The following RHOA variants were observed in gnomAD, a reference collection of about 807,000 sequenced individuals.
The protein encoded by RHOA is transforming protein RhoA.
A neutral mutation model predicts 17.5 loss-of-function variants in RHOA; 3 were observed. The ratio of observed to expected loss-of-function variants is 0.17; its 90% confidence interval spans 0.08 to 0.44. The LOEUF (loss-of-function observed/expected upper bound fraction) is 0.44, where lower values mean the gene tolerates loss of function less well. RHOA is among the 20% of genes least tolerant of loss of function. The probability of loss-of-function intolerance (pLI) is 0.99; values close to 1 mark genes in which losing one functional copy is unlikely to be tolerated. For missense variants in RHOA, 56 were observed against 242.3 expected (o/e 0.23, Z 5.10); for synonymous variants, 98 against 88.4 (o/e 1.11, Z -0.61).
chr3:49,409,965 C>G (rs915674932), intron 1 of RHOA, among the ~76,000 whole-genome samples: 3 of 152,174 alleles, frequency 2.0e-5, no homozygotes, highest in South Asian at 4.1e-4. Context: ...AAAAAAAATC[C>G]AAACAAAGCC....
intron 3 of RHOA, chr3:49,367,088 A>C (rs1417094999): frequency 2.6e-5 from 4 of 152,156 alleles, no homozygotes; most frequent in Non-Finnish European, 5.9e-5. Flanking sequence ...CACGCCTGTA[A>C]TCCCAGCACT....
Position 49,359,553 on chromosome 3 carries a change from ACTTT to A in RHOA, c.*652_*655del, listed in dbSNP as rs966599590. 50 of 203,812 alleles carry A rather than the reference ACTTT, an allele frequency of 2.5e-4. 1 individual carries two copies. In the Middle Eastern group the frequency reaches 5.0e-3, roughly 20 times the overall value. The allele number at this position is 203,812 out of a possible 1,614,324, so 12.6% of individuals were successfully genotyped here. A position where few individuals can be genotyped will look rare whatever the true frequency, so the allele number is the denominator to read the frequency against. ...ACTTTCTTTTTTAAAAAACCAATAC[ACTTT>A]CTTTGAGGATGACAGTATTAGGAAA... On this transcript the variant is annotated 3_prime_UTR_variant, in exon 5 of 5. Transcript: ENST00000418115.
intron 1 of RHOA, among the ~76,000 whole-genome samples, chr3:49,409,137 G>C (rs1410255530): frequency 2.6e-5 from 4 of 151,050 alleles, no homozygotes; most frequent in Admixed American, 2.6e-4. Context: ...GCTCACCCTT[G>C]TAATCCCAGC....
At chr3:49,397,402 G>A (rs990608149) in intron 1 of RHOA, among the ~76,000 whole-genome samples, 3 of 152,018 alleles carry the variant, frequency 2.0e-5, no homozygotes, top group African/African-American at 4.8e-5. Context: ...AGTGATACAC[G>A]TAAAACTCTG....
At chr3:49,366,526 C>T (rs1158906078) in intron 3 of RHOA, 2 of 152,264 alleles carry the variant, frequency 1.3e-5, no homozygotes, top group African/African-American at 2.4e-5. Flanking sequence ...TTGCTTGAAC[C>T]TGGAAGGCGG....
chr3:49,395,788 G>C (rs1211425425), intron 1 of RHOA, among the ~76,000 whole-genome samples: 2 of 152,086 alleles, frequency 1.3e-5, no homozygotes, highest in African/African-American at 2.4e-5. Context: ...GGATAGGGAT[G>C]AGAAAACTAT....
chr3:49,392,491 C>G (rs541026879), intron 1 of RHOA, among the ~76,000 whole-genome samples: 1 of 152,046 alleles, frequency 6.6e-6, no homozygotes, highest in African/African-American at 2.4e-5. Flanking sequence ...AATATTCTTC[C>G]TTTTTATCAA....
intron 4 of RHOA, chr3:49,360,917 C>A: frequency 2.7e-6 from 1 of 365,780 alleles, no homozygotes; most frequent in South Asian, 1.9e-5. Context: ...TACTAAAATA[C>A]AAAAAATCAC....
intron 1 of RHOA, among the ~76,000 whole-genome samples, chr3:49,378,240 C>CTTTT (rs71077802): frequency 2.3e-3 from 139 of 60,698 alleles, no homozygotes; most frequent in South Asian, 3.6e-3. Flanking sequence ...ATCCATCTAT[C>CTTTT]TTTTTTTTTT....
At chr3:49,366,369 A>G (rs2048056604) in intron 3 of RHOA, among the ~76,000 whole-genome samples, 1 of 152,156 alleles carries the variant, frequency 6.6e-6, no homozygotes, top group African/African-American at 2.4e-5. Flanking sequence ...TTGGGAGGCC[A>G]AGGTGAGTGG....
Position 49,369,577 on chromosome 3 carries a change from CG to C in RHOA, c.157-1030del, listed in dbSNP as rs1198755285. On this transcript the variant is annotated intron_variant, in intron 2 of 4. Transcript: ENST00000418115. ...GTGAAACCCCGTCCCTACTAAAATA[CG>C]AAAGAAATTAGCCAGGCACGGCAGC... 5.3e-5 allele frequency among the ~76,000 whole-genome samples: 8 copies of C among 149,590 alleles called. No individual in the cohort carries two copies. The East Asian group carries it at 1.6e-3, about 30-fold the overall frequency.
chr3:49,406,437 T>G (rs2048833819), intron 1 of RHOA, among the ~76,000 whole-genome samples: 1 of 152,178 alleles, frequency 6.6e-6, no homozygotes, highest in Non-Finnish European at 1.5e-5. Flanking sequence ...CTTTTTTAAA[T>G]CATGGGACTG....
At chr3:49,375,772 T>C (rs1404841601) in intron 1 of RHOA, among the ~76,000 whole-genome samples, 181 bp from the exon 2 acceptor site, 1 of 152,116 alleles carries the variant, frequency 6.6e-6, no homozygotes, top group Non-Finnish European at 1.5e-5. Context: ...GTAACTAACA[T>C]TATACTTAAT....
intron 1 of RHOA, among the ~76,000 whole-genome samples, chr3:49,398,549 C>A (rs566277796): frequency 7.3e-5 from 11 of 151,692 alleles, no homozygotes; most frequent in Non-Finnish European, 1.3e-4. Context: ...GCTGGCAGGG[C>A]GCGGTGGCTC....
At chr3:49,362,386 GAGCCTCTA>G in intron 4 of RHOA, 102 bp downstream of exon 4, 1 of 1,208,840 alleles carries the variant, frequency 8.3e-7, no homozygotes, top group East Asian at 2.5e-5. Context: ...AGGGGCTTCT[GAGCCTCTA>G]AAACAACCTG....
intron 1 of RHOA, among the ~76,000 whole-genome samples, chr3:49,394,799 G>C (rs2048584975): frequency 2.0e-5 from 3 of 152,200 alleles, no homozygotes; most frequent in Non-Finnish European, 4.4e-5. Context: ...GAAAAGGCAA[G>C]TGATTCTGCC....
chr3:49,398,666 G>GA (rs760023392), intron 1 of RHOA, among the ~76,000 whole-genome samples: 67 of 137,894 alleles, frequency 4.9e-4, no homozygotes, highest in East Asian at 3.0e-3. Flanking sequence ...TCTACTAAAA[G>GA]AAAAAAAAAA....
Position 49,359,951 on chromosome 3 carries a change from C to A in RHOA, c.*258G>T. On this transcript the variant is annotated 3_prime_UTR_variant, in exon 5 of 5. Coordinates refer to ENST00000418115, the MANE Select transcript of RHOA (RefSeq NM_001664.4). ...AAAGAAGCAAGAAGTTAAGAAATTCCTTGAATTAGCGCCTGGTGTGTCAGG... is the reference window on the plus strand; with the variant it reads ...AAAGAAGCAAGAAGTTAAGAAATTCATTGAATTAGCGCCTGGTGTGTCAGG... 2.5e-6 allele frequency: 1 copy of A among 394,644 alleles called. No individual in the cohort carries two copies. Among genetic ancestry groups the A allele is most frequent in the Non-Finnish European group, 4.5e-6 (1 of 221,256 alleles). 24.4% of individuals were successfully genotyped at this position (394,644 alleles called of 1,614,324 possible).
intron 1 of RHOA, among the ~76,000 whole-genome samples, chr3:49,384,338 T>C (rs902841762): frequency 5.3e-5 from 8 of 152,186 alleles, no homozygotes; most frequent in African/African-American, 1.9e-4. Context: ...GTACATGGTT[T>C]GTCAAGAAAG....
Sources: allele counts gnomAD v4.1 joint callset (sites outside exome capture counted in the v4.1 genomes callset), GRCh38; gene constraint gnomAD v4.1.1; transcripts MANE v1.5; gene names NCBI Gene and HGNC (gene_info 2026-07-23, HGNC 2026-07-21).